The following RAB2A variants were observed in gnomAD, a reference collection of about 807,000 sequenced individuals.
RAB2A encodes the protein RAB2A, member RAS oncogene family, also known as ras-related protein Rab-2A.
RAB2A carries 7 observed loss-of-function variants against 32.5 expected under a neutral mutation model. The ratio of observed to expected loss-of-function variants is 0.22; its 90% CI spans 0.12 to 0.40. The LOEUF (loss-of-function observed/expected upper bound fraction) is 0.40. Ranked by LOEUF, RAB2A falls within the 10% of genes least tolerant of loss-of-function variation. The pLI, the probability that RAB2A is intolerant of heterozygous loss-of-function variation, is 1.00. For synonymous variants in RAB2A, 79 were observed against 85.2 expected (o/e 0.93, Z 0.40); for missense variants, 108 against 260.7 (o/e 0.41, Z 4.03).
chr8:60,573,936 C>CCA (rs1197964853), intron 3 of RAB2A, among the ~76,000 whole-genome samples: 2 of 152,236 alleles, frequency 1.3e-5, no homozygotes, highest in Non-Finnish European at 2.9e-5. Context: ...GCGTGCACCA[C>CCA]CACACCCGGC....
chr8:60,574,398 T>C (rs530424947), intron 3 of RAB2A, among the ~76,000 whole-genome samples: 3 of 150,316 alleles, frequency 2.0e-5, no homozygotes, highest in South Asian at 4.2e-4. Context: ...TAAATTTTAC[T>C]GAATGAATGA....
chr8:60,573,494 C>T (rs1357982215), intron 3 of RAB2A, among the ~76,000 whole-genome samples: 1 of 152,132 alleles, frequency 6.6e-6, no homozygotes, highest in Non-Finnish European at 1.5e-5. Flanking sequence ...AAATGATAAC[C>T]GTACATCTCT....
At chr8:60,619,038 A>G (rs1311997569) in intron 7 of RAB2A, 1 of 152,206 alleles carries the variant, frequency 6.6e-6, no homozygotes, top group Non-Finnish European at 1.5e-5. Context: ...ACTATGTACT[A>G]ATGCAAGATG....
intron 2 of RAB2A, among the ~76,000 whole-genome samples, chr8:60,569,543 C>G (rs1808164864): frequency 1.3e-5 from 2 of 152,186 alleles, no homozygotes; most frequent in African/African-American, 4.8e-5. Context: ...CAAGGTCTCA[C>G]TCTGTCACCC....
At chr8:60,566,248 C>T (rs760454536) in intron 2 of RAB2A, among the ~76,000 whole-genome samples, 7 of 152,278 alleles carry the variant, frequency 4.6e-5, no homozygotes, top group South Asian at 2.1e-4. Context: ...TATCAAAGTG[C>T]GCATTCCTCC....
chr8:60,535,014 T>G (rs2130813059), intron 1 of RAB2A, among the ~76,000 whole-genome samples: 1 of 152,316 alleles, frequency 6.6e-6, no homozygotes, highest in East Asian at 1.9e-4. Context: ...CATGTTGGAC[T>G]TAAGTGTCAC....
At position 60,600,013 on chromosome 8, in the gene RAB2A, C is replaced by G. The variant is rs1804103672; in HGVS notation, c.474+8044C>G. Among the ~76,000 whole-genome samples, 3 of 149,102 alleles carry G rather than the reference C, an allele frequency of 2.0e-5. No homozygotes were observed. In the South Asian group the frequency reaches 6.3e-4, roughly 31 times the overall value. ...TACATACCAGGTATCCAACAAAAGA[C>G]TAGTGGCTAGAAATAAAAATTCTCA... is the stretch of plus-strand genomic sequence containing the variant. On this transcript the variant is annotated intron_variant, in intron 6 of 7. Transcript: ENST00000262646.
intron 1 of RAB2A, among the ~76,000 whole-genome samples, chr8:60,529,585 A>G (rs1807445388): frequency 6.6e-6 from 1 of 152,156 alleles, no homozygotes; most frequent in Non-Finnish European, 1.5e-5. Context: ...TTTGATATTA[A>G]TTTTGCATAT....
chr8:60,595,992 T>C (rs1487943820), intron 6 of RAB2A, among the ~76,000 whole-genome samples: 1 of 152,214 alleles, frequency 6.6e-6, no homozygotes, highest in Non-Finnish European at 1.5e-5. Flanking sequence ...TGAGCAAGTC[T>C]TGAATTACAA....
chr8:60,585,847 A>G (rs2130849975), intron 5 of RAB2A, among the ~76,000 whole-genome samples: 1 of 152,332 alleles, frequency 6.6e-6, no homozygotes, highest in Non-Finnish European at 1.5e-5. Flanking sequence ...GCAAAACTGA[A>G]CAGTATTCAC....
intron 6 of RAB2A, among the ~76,000 whole-genome samples, chr8:60,592,956 C>T (rs77591756): frequency 1.2e-3 from 177 of 152,254 alleles, no homozygotes; most frequent in African/African-American, 3.0e-3. Flanking sequence ...GAATCACTGC[C>T]GTAAGGATAA....
At chr8:60,570,123 T>C (rs1314567925) in intron 2 of RAB2A, 3 of 443,074 alleles carry the variant, frequency 6.8e-6, no homozygotes, top group African/African-American at 6.0e-5. Context: ...ATCTGCTTGC[T>C]GTTGCTAGCC....
chr8:60,545,156 A>G (rs974691705), intron 1 of RAB2A, among the ~76,000 whole-genome samples: 12 of 152,186 alleles, frequency 7.9e-5, no homozygotes, highest in African/African-American at 2.7e-4. Context: ...TAGGACAAGG[A>G]AAATGAACTC....
chr8:60,560,308 C>T (rs1479096444), intron 2 of RAB2A, among the ~76,000 whole-genome samples: 3 of 152,254 alleles, frequency 2.0e-5, no homozygotes, highest in Admixed American at 6.5e-5. Flanking sequence ...AAGCTGGTTT[C>T]GCACTCCTGG....
chr8:60,556,860 C>G (rs1807947414), intron 1 of RAB2A, among the ~76,000 whole-genome samples: 1 of 152,074 alleles, frequency 6.6e-6, no homozygotes, highest in Non-Finnish European at 1.5e-5. Context: ...CTTGAAGTCT[C>G]TCAAGAAAAC....
chr8:60,575,099 T>TG (rs1418009396), intron 3 of RAB2A, among the ~76,000 whole-genome samples: 3 of 149,448 alleles, frequency 2.0e-5, no homozygotes, highest in African/African-American at 7.4e-5. Flanking sequence ...GGGGGTTTTT[T>TG]TTTTTTTTTT....
intron 3 of RAB2A, among the ~76,000 whole-genome samples, chr8:60,573,533 C>T (rs192172213): frequency 5.3e-5 from 8 of 152,242 alleles, no homozygotes; most frequent in African/African-American, 1.2e-4. Flanking sequence ...ATTGTCCACT[C>T]GACTCTGGGT....
intron 1 of RAB2A, among the ~76,000 whole-genome samples, chr8:60,547,665 A>C (rs1586074398): frequency 1.9e-5 from 2 of 103,484 alleles, no homozygotes; most frequent in African/African-American, 7.2e-5. Context: ...TGACCCCCCC[A>C]CCTCCCTCCC....
chr8:60,589,234 C>T (rs1407784679), intron 5 of RAB2A, among the ~76,000 whole-genome samples: 2 of 152,156 alleles, frequency 1.3e-5, no homozygotes, highest in Non-Finnish European at 2.9e-5. Context: ...TCACCGACCA[C>T]TAGGAGCTGA....
Sources: allele counts gnomAD v4.1 joint callset (sites outside exome capture counted in the v4.1 genomes callset), GRCh38; gene constraint gnomAD v4.1.1; transcripts MANE v1.5; gene names NCBI Gene and HGNC (gene_info 2026-07-23, HGNC 2026-07-21).